Variants in PRDM7 observed in about 807,000 individuals in gnomAD.
PRDM7 encodes PR/SET domain 7.
A neutral mutation model predicts 64.3 loss-of-function variants in PRDM7; 52 were observed. The observed-to-expected ratio is 0.81, with a 90% confidence interval of 0.65 to 1.02. PRDM7 has a LOEUF of 1.02. Among genes scored for constraint, PRDM7 ranks in the 50% least tolerant of loss-of-function variants. The pLI is 0.00. For synonymous variants in PRDM7, 192 were observed against 210.1 expected, an observed-to-expected ratio of 0.91 and a Z score of 0.74; for missense variants, 574 against 597.1, an observed-to-expected ratio of 0.96 and a Z score of 0.40.
intron 4 of PRDM7, among the ~76,000 whole-genome samples, chr16:90,071,887 T>A (rs184369785): frequency 6.6e-6 from 1 of 152,106 alleles, no homozygotes; most frequent in Non-Finnish European, 1.5e-5. Flanking sequence ...CTTCTGGGTA[T>A]ATAATATATT....
intron 4 of PRDM7, among the ~76,000 whole-genome samples, chr16:90,074,283 GTCATCA>G (rs59691191): frequency 0.012 from 1,845 of 147,886 alleles, 23 homozygotes; most frequent in Middle Eastern, 0.031. Context: ...AATCATCATC[GTCATCA>G]TCATCATCAT....
intron 4 of PRDM7, among the ~76,000 whole-genome samples, chr16:90,073,584 A>G (rs531870276): frequency 8.6e-5 from 13 of 151,896 alleles, no homozygotes; most frequent in African/African-American, 1.2e-4. Context: ...TATTTTTAGT[A>G]GAGATGGGGT....
At chr16:90,063,543 GGTAGAC>G (rs1353062065) in intron 6 of PRDM7, 63 bp downstream of exon 6, 5 of 1,564,340 alleles carry the variant, frequency 3.2e-6, no homozygotes, top group Non-Finnish European at 3.5e-6. Context: ...ACCCCACATA[GGTAGAC>G]CATACTCACC....
Position 90,066,237 on chromosome 16 carries a change from T to C in PRDM7, c.351+624A>G, listed in dbSNP as rs183266248. On this transcript the variant is annotated intron_variant, in intron 5 of 10. Transcript: ENST00000449207. ...CTTCCTCTGATCAGAATGGGTCCCT[T>C]ATGAGGGTAGGGACCCTATCTTCTT... 2.6e-5 allele frequency among the ~76,000 whole-genome samples: 4 copies of C among 151,434 alleles called. No individual in the cohort carries two copies. In the East Asian group the frequency reaches 7.7e-4, roughly 29 times the overall value.
At chr16:90,060,106 T>C (rs1397009261) in intron 10 of PRDM7, among the ~76,000 whole-genome samples, 3 of 152,232 alleles carry the variant, frequency 2.0e-5, no homozygotes, top group African/African-American at 7.2e-5. Context: ...TATGCTGTTA[T>C]ATACTTTGTG....
At position 90,075,447 on chromosome 16, in the gene PRDM7, T is replaced by A. The variant is rs1243417881; in HGVS notation, c.97A>T (p.Ile33Leu). The A allele has an allele frequency of 1.9e-6, 3 of 1,614,108 alleles. No individual in the cohort carries two copies. The highest frequency in any genetic ancestry group is 2.5e-6 in the Non-Finnish European group (3 of 1,180,052). The part of the protein sequence containing the change: ...MVKDAFKDIS[I>L]YFTKEEWAEM... Reference sequence around the variant, plus strand: ...GCCCATTCTTCCTTGGTGAAGTATATGGAAATGTCTTTGAAGGCATCTTTG... The same window carrying A: ...GCCCATTCTTCCTTGGTGAAGTATAAGGAAATGTCTTTGAAGGCATCTTTG... The change falls in exon 3 of 11, where the codon ATA (isoleucine) becomes TTA (leucine). Residue 33 changes from isoleucine (I) to leucine (L), a missense_variant. By Grantham distance (5) the Ile-to-Leu change is conservative. Coordinates refer to ENST00000449207, the MANE Select transcript of PRDM7 (RefSeq NM_001098173.2). This position sits in a 1 kb window ranked among gnomAD's most constrained non-coding sequence, Gnocchi z 4.3.
At chr16:90,058,619 G>C in intron 10 of PRDM7, 85 bp from the exon 11 acceptor site, 1 of 1,470,644 alleles carries the variant, frequency 6.8e-7, no homozygotes, top group Non-Finnish European at 9.5e-7. Flanking sequence ...TGAAGAACCA[G>C]TCATTCTTCA....
chr16:90,073,409 T>C (rs1258015164), intron 4 of PRDM7, among the ~76,000 whole-genome samples: 1 of 151,946 alleles, frequency 6.6e-6, no homozygotes, highest in Non-Finnish European at 1.5e-5. Context: ...ACAATTTTTT[T>C]TTTTTTTTGA....
At chr16:90,072,823 T>A (rs2037980532) in intron 4 of PRDM7, among the ~76,000 whole-genome samples, 1 of 152,178 alleles carries the variant, frequency 6.6e-6, no homozygotes, top group South Asian at 2.1e-4. Context: ...GGAGATAGAT[T>A]CCCTCTAAAG....
chr16:90,060,259 C>T (rs1479967930), intron 10 of PRDM7, 82 bp downstream of exon 10: 1 of 1,606,660 alleles, frequency 6.2e-7, no homozygotes, highest in Non-Finnish European at 8.5e-7. Context: ...GCGTTTTACT[C>T]TACTTAAGAG....
rs1477005035 is a variant in PRDM7, at chr16:90,062,040, G to T, written c.763C>A (p.Gln255Lys). The change falls in exon 8 of 11, where the codon CAG (glutamine) becomes AAG (lysine). Residue 255 changes from glutamine to lysine, a missense_variant. Transcript: ENST00000449207. ...TCGTTCCATACTCCAAGCCCAGCCT[G>T]AGGGATGCCTGATGGCCCAATTCTC... ...GLRIGPSGIP[Q>K]AGLGVWNEAS... 6.2e-7 allele frequency: 1 copy of T among 1,614,270 alleles called. No individual in the cohort carries two copies. The highest frequency in any genetic ancestry group is 1.1e-5 in the South Asian group (1 of 91,088).
intron 5 of PRDM7, among the ~76,000 whole-genome samples, chr16:90,065,264 G>A (rs1251797513): frequency 6.7e-6 from 1 of 148,530 alleles, no homozygotes; most frequent in East Asian, 2.0e-4. Flanking sequence ...GTGGTGGCGG[G>A]CGCCTGTAAT....
chr16:90,057,623 G>A lies in PRDM7; in HGVS notation c.*666C>T, dbSNP rs930999652. The A allele has an allele frequency of 1.8e-5, 17 of 946,616 alleles. No individual in the cohort carries two copies. In the South Asian group the frequency reaches 1.9e-4, roughly 10 times the overall value. 58.6% of individuals were successfully genotyped at this position (946,616 alleles called of 1,614,324 possible). On this transcript the variant is annotated 3_prime_UTR_variant, in exon 11 of 11. Coordinates refer to ENST00000449207, the MANE Select transcript of PRDM7 (RefSeq NM_001098173.2). Reference sequence around the variant, plus strand: ...ACAACCACACATGTTGACGTCCCCCGAACACTTACAGAACTATCCCCTGTT... The same window carrying A: ...ACAACCACACATGTTGACGTCCCCCAAACACTTACAGAACTATCCCCTGTT...
chr16:90,075,320 A>G lies in PRDM7; in HGVS notation c.193+31T>C. ...ACCAAAGACCTGTTTTATATCGCCC[A>G]GGCTGGTCTGTGCCCAGCACTTCCT... On this transcript the variant is annotated intron_variant, in intron 3 of 10. Coordinates refer to ENST00000449207, the MANE Select transcript of PRDM7 (RefSeq NM_001098173.2). This position sits in a 1 kb window ranked among gnomAD's most constrained non-coding sequence, Gnocchi z 4.3. The G allele has an allele frequency of 1.2e-6, 2 of 1,614,180 alleles. No homozygotes were observed. The highest frequency in any genetic ancestry group is 1.7e-6 in the Non-Finnish European group (2 of 1,179,994).
intron 4 of PRDM7, among the ~76,000 whole-genome samples, chr16:90,072,808 C>G (rs558238132): frequency 2.8e-4 from 42 of 152,286 alleles, no homozygotes; most frequent in Admixed American, 4.6e-4. Flanking sequence ...GTGTGGTAAA[C>G]CACGGGAGAT....
At chr16:90,073,642 G>T (rs1045156478) in intron 4 of PRDM7, among the ~76,000 whole-genome samples, 2 of 151,854 alleles carry the variant, frequency 1.3e-5, no homozygotes, top group African/African-American at 4.8e-5. Flanking sequence ...CTCATGATTC[G>T]CCTGCCTCGG....
Position 90,074,927 on chromosome 16 carries a change from G to C in PRDM7, c.290C>G (p.Pro97Arg). 1 of 1,613,938 alleles carries C rather than the reference G, an allele frequency of 6.2e-7. No homozygotes were observed. Among genetic ancestry groups the C allele is most frequent in the Non-Finnish European group, 8.5e-7 (1 of 1,179,906 alleles). Residue 97 changes from proline to arginine, a missense_variant, in exon 4 of 11, where the codon CCT (proline) becomes CGT (arginine). Pro to Arg is a moderately radical substitution (Grantham distance 103). Coordinates refer to ENST00000449207, the MANE Select transcript of PRDM7 (RefSeq NM_001098173.2). Reference sequence around the variant, plus strand: ...CCCTTCCCTCTTACCTTGCTGCCTAGGTGTCCATTCTTCATCGGAATCTTC... The same window carrying C: ...CCCTTCCCTCTTACCTTGCTGCCTACGTGTCCATTCTTCATCGGAATCTTC... ...DTEDSDEEWT[P>R]RQQVKPPWMA...
intron 4 of PRDM7, among the ~76,000 whole-genome samples, chr16:90,073,897 T>C (rs1215824119): frequency 6.6e-6 from 1 of 151,736 alleles, no homozygotes; most frequent in Non-Finnish European, 1.5e-5. Flanking sequence ...ATTTCCCAGC[T>C]TCAGCCTCTT....
intron 4 of PRDM7, among the ~76,000 whole-genome samples, chr16:90,072,230 CAAA>C (rs199642434): frequency 2.8e-5 from 3 of 106,994 alleles, no homozygotes; most frequent in Non-Finnish European, 3.9e-5. Context: ...GACTCCATCT[CAAA>C]AAAAAAAAAA....
Sources: allele counts gnomAD v4.1 joint callset (sites outside exome capture counted in the v4.1 genomes callset), GRCh38; gene constraint gnomAD v4.1.1; non-coding constraint Gnocchi (gnomAD v3.1); transcripts MANE v1.5; gene names NCBI Gene and HGNC (gene_info 2026-07-23, HGNC 2026-07-21).